The following TRIO variants were observed in gnomAD, a reference collection of about 807,000 sequenced individuals.
TRIO encodes triple functional domain protein.
In TRIO, 58 loss-of-function variants were observed where a neutral mutation model predicts 351.9. The observed-to-expected ratio is 0.16, with a 90% CI of 0.13 to 0.21. The LOEUF (loss-of-function observed/expected upper bound fraction) is 0.21. TRIO is among the 10% of genes least tolerant of loss of function. The pLI is 1.00. For missense variants in TRIO, 3,201 were observed against 4,027.8 expected (o/e 0.79, Z 5.56); for synonymous variants, 1,758 against 1,595.7 (o/e 1.10, Z -2.42).
At chr5:14,318,448 C>T (rs1433334716) in intron 9 of TRIO, among the ~76,000 whole-genome samples, 1 of 117,210 alleles carries the variant, frequency 8.5e-6, no homozygotes, top group Middle Eastern at 3.8e-3. Flanking sequence ...GAGCAAGACT[C>T]CATCTCAAAA....
intron 1 of TRIO, among the ~76,000 whole-genome samples, chr5:14,186,134 T>C (rs1427569634): frequency 6.6e-6 from 1 of 152,210 alleles, no homozygotes; most frequent in Non-Finnish European, 1.5e-5. Flanking sequence ...TAAACTCAAG[T>C]GTGACATTTT....
chr5:14,330,916 C>G lies in TRIO; in HGVS notation c.1854+16C>G. 6.2e-7 allele frequency: 1 copy of G among 1,613,314 alleles called. No homozygotes were observed. Among genetic ancestry groups the G allele is most frequent in the Non-Finnish European group, 8.5e-7 (1 of 1,179,578 alleles). On this transcript the variant is annotated intron_variant, in intron 10 of 56. Coordinates refer to ENST00000344204, the MANE Select transcript of TRIO (RefSeq NM_007118.4). ...AGTGGCACAGGTAAAACAATGGCTT[C>G]TATTATTTTATCCCATAAATACCCG...
At chr5:14,162,330 A>C (rs868306966) in intron 1 of TRIO, among the ~76,000 whole-genome samples, 1 of 152,214 alleles carries the variant, frequency 6.6e-6, no homozygotes, top group Non-Finnish European at 1.5e-5. Context: ...GATATTGTGT[A>C]GTGTTGAAGG....
intron 54 of TRIO, among the ~76,000 whole-genome samples, chr5:14,504,084 C>T (rs898527964): frequency 2.0e-5 from 3 of 152,234 alleles, no homozygotes; most frequent in Non-Finnish European, 4.4e-5. Context: ...GGGAGTCGCC[C>T]GGCAAGGCCA....
rs762757315 is a variant in TRIO at position 14,358,309 on chromosome 5, C to T, written c.2178C>T (p.Asn726=). ...QQQTTLQVTV[N]VIKEGEDLIQ... is the part of the protein sequence containing the mutation. Reference sequence around the variant, plus strand: ...AGACCACCCTGCAGGTGACTGTCAACGTGATCAAGGAAGGGGAGGACCTCA... The same window carrying T: ...AGACCACCCTGCAGGTGACTGTCAATGTGATCAAGGAAGGGGAGGACCTCA... The change falls in exon 12 of 57, where the codon AAC becomes AAT. Residue 726 remains asparagine, a synonymous_variant. Coordinates refer to ENST00000344204, the MANE Select transcript of TRIO (RefSeq NM_007118.4). 2.4e-5 allele frequency: 38 copies of T among 1,614,012 alleles called. No homozygotes were observed. The Admixed American group carries it at 3.8e-4, about 16-fold the overall frequency.
intron 18 of TRIO, among the ~76,000 whole-genome samples, chr5:14,373,020 C>T (rs920274743): frequency 6.6e-6 from 1 of 152,190 alleles, no homozygotes; most frequent in Admixed American, 6.5e-5. Flanking sequence ...TCCTTCTTCA[C>T]ATGGCGCGGG....
In TRIO at chr5:14,145,721, T is replaced by G. The variant is rs185765277; in HGVS notation, c.157+1839T>G. On this transcript the variant is annotated intron_variant, in intron 1 of 56. Coordinates refer to ENST00000344204, the MANE Select transcript of TRIO (RefSeq NM_007118.4). ...TTTTTTGGTGTTTGTGAGACCAGGC[T>G]TTTTTACATCTCTATTATGCATAGT... Among the ~76,000 whole-genome samples the G allele has an allele frequency of 3.9e-3, 589 of 152,286 alleles. 2 individuals are homozygous for G. Among genetic ancestry groups the G allele is most frequent in the Non-Finnish European group, 6.4e-3 (438 of 68,022 alleles).
intron 9 of TRIO, among the ~76,000 whole-genome samples, chr5:14,325,166 T>C (rs1054724603): frequency 6.6e-6 from 1 of 152,228 alleles, no homozygotes; most frequent in Admixed American, 6.5e-5. Context: ...TCATTTACAT[T>C]GGTTTTCACA....
At chr5:14,452,507 G>T (rs912382843) in intron 34 of TRIO, among the ~76,000 whole-genome samples, 8 of 152,308 alleles carry the variant, frequency 5.3e-5, no homozygotes, top group Middle Eastern at 6.8e-3. Flanking sequence ...GTGGAACCCC[G>T]GCCCGGTGGC....
intron 10 of TRIO, 148 bp from the exon 11 acceptor site, chr5:14,336,388 C>A: frequency 1.2e-6 from 1 of 805,694 alleles, no homozygotes; most frequent in Non-Finnish European, 2.0e-6. Flanking sequence ...TTCCCAAAAT[C>A]ATCTCTCCCC....
At chr5:14,200,863 A>C (rs1791065909) in intron 1 of TRIO, among the ~76,000 whole-genome samples, 1 of 152,234 alleles carries the variant, frequency 6.6e-6, no homozygotes, top group Non-Finnish European at 1.5e-5. Context: ...TTTGTTAAAC[A>C]GCTGAGTTTT....
chr5:14,379,501 G>A (rs1046633637), intron 20 of TRIO, among the ~76,000 whole-genome samples: 2 of 152,176 alleles, frequency 1.3e-5, no homozygotes, highest in African/African-American at 2.4e-5. Flanking sequence ...TCCTGGTGAC[G>A]TTCCAGGTGT....
rs747869925 is a variant in TRIO at position 14,292,962 on chromosome 5, G to C, written c.1054-50G>C. The C allele has an allele frequency of 3.1e-6, 5 of 1,611,858 alleles. No homozygotes were observed. The African/African-American group carries it at 5.3e-5, about 17-fold the overall frequency. ...CTGCCCCATCTGTGGGCTTGTGTCA[G>C]TAATTTCTCTTTCTGGAGTGATTGC... On this transcript the variant is annotated intron_variant, in intron 5 of 56. Coordinates refer to ENST00000344204, the MANE Select transcript of TRIO (RefSeq NM_007118.4).
intron 1 of TRIO, among the ~76,000 whole-genome samples, chr5:14,239,985 A>G (rs1025582332): frequency 6.6e-6 from 1 of 152,092 alleles, no homozygotes. Flanking sequence ...GTTTCAGGGT[A>G]CCCTGGTTTT....
intron 21 of TRIO, among the ~76,000 whole-genome samples, chr5:14,386,837 AC>A (rs148702412): frequency 0.029 from 4,394 of 152,314 alleles, 207 homozygotes; most frequent in African/African-American, 0.098. Flanking sequence ...AATTTACAGT[AC>A]CTCTATATAG....
rs370785443 is a variant in TRIO, at chr5:14,332,875, G to A, written c.1854+1975G>A. Reference sequence around the variant, plus strand: ...ACACCCAGCAGGCGCTTGTGGTGCTGTCTTTGCCTAGAACAGTACGATCAT... The same window carrying A: ...ACACCCAGCAGGCGCTTGTGGTGCTATCTTTGCCTAGAACAGTACGATCAT... On this transcript the variant is annotated intron_variant, in intron 10 of 56. Transcript: ENST00000344204. 1.8e-4 allele frequency among the ~76,000 whole-genome samples: 28 copies of A among 152,294 alleles called. No homozygotes were observed. The East Asian group carries it at 2.1e-3, about 12-fold the overall frequency.
At chr5:14,503,786 C>T (rs900435921) in intron 54 of TRIO, among the ~76,000 whole-genome samples, 8 of 152,356 alleles carry the variant, frequency 5.3e-5, no homozygotes, top group Middle Eastern at 3.4e-3. Context: ...GCCACAGGCG[C>T]ATCTCTGGTC....
intron 7 of TRIO, among the ~76,000 whole-genome samples, chr5:14,298,681 A>G (rs553753798): frequency 6.6e-6 from 1 of 152,226 alleles, no homozygotes; most frequent in African/African-American, 2.4e-5. Context: ...AGAGACCTTT[A>G]AAGTATAAAG....
chr5:14,163,268 G>A lies in TRIO; in HGVS notation c.157+19386G>A, dbSNP rs40293. On this transcript the variant is annotated intron_variant, in intron 1 of 56. Coordinates refer to ENST00000344204, the MANE Select transcript of TRIO (RefSeq NM_007118.4). ...TCTTACTTATAAGTGAGAACATGTG[G>A]TGTTTGGTTTTCTGTTCCTGTGTTA... is the stretch of plus-strand genomic sequence containing the variant. Among the ~76,000 whole-genome samples the A allele has an allele frequency of 2.0e-5, 3 of 152,162 alleles. No homozygotes were observed. In the South Asian group the frequency reaches 6.2e-4, roughly 32 times the overall value.
Sources: gnomAD v4.1 joint callset for allele counts (sites outside exome capture counted in the v4.1 genomes callset) on GRCh38, gnomAD v4.1.1 for gene constraint, MANE v1.5 for transcripts, NCBI Gene and HGNC (gene_info 2026-07-23, HGNC 2026-07-21) for gene names.